Variants in RBFOX1 observed in about 807,000 individuals in gnomAD.
The protein encoded by RBFOX1 is RNA binding protein fox-1 homolog 1.
RBFOX1 carries 8 observed loss-of-function variants against 57.7 expected under a neutral mutation model. The ratio of observed to expected loss-of-function variants is 0.14; its 90% CI spans 0.08 to 0.25. The LOEUF (loss-of-function observed/expected upper bound fraction) is 0.25, where lower values mean the gene tolerates loss of function less well. Ranked by LOEUF, RBFOX1 falls within the 10% of genes least tolerant of loss-of-function variation. RBFOX1 has a pLI of 1.00. For synonymous variants in RBFOX1, 326 were observed against 222.4 expected, an observed-to-expected ratio of 1.47 and a Z score of -4.15; for missense variants, 611 against 548.5, an observed-to-expected ratio of 1.11 and a Z score of -1.14.
chr16:6,159,337 A>T (rs1000158874), intron 1 of RBFOX1, among the ~76,000 whole-genome samples: 4 of 152,120 alleles, frequency 2.6e-5, no homozygotes, highest in African/African-American at 7.2e-5. Context: ...TCGGCCTCCC[A>T]AAGTGCTGGG....
intron 2 of RBFOX1, among the ~76,000 whole-genome samples, chr16:6,651,599 C>T (rs550354348): frequency 6.6e-6 from 1 of 152,284 alleles, no homozygotes; most frequent in South Asian, 2.1e-4. Flanking sequence ...CACTTGTGCA[C>T]TGTTAGTGGG....
chr16:6,286,169 G>A (rs2076888708), intron 1 of RBFOX1, among the ~76,000 whole-genome samples: 1 of 152,108 alleles, frequency 6.6e-6, no homozygotes. Flanking sequence ...CTCAGTGGGA[G>A]AGCTCGACTG....
chr16:7,524,860 C>T (rs562990136), intron 5 of RBFOX1, among the ~76,000 whole-genome samples: 2 of 152,322 alleles, frequency 1.3e-5, no homozygotes, highest in African/African-American at 4.8e-5. Flanking sequence ...GATGGAATCA[C>T]TAAGGTATAG....
intron 4 of RBFOX1, among the ~76,000 whole-genome samples, chr16:7,280,973 C>G (rs1464962188): frequency 2.7e-5 from 3 of 111,722 alleles, no homozygotes; most frequent in Non-Finnish European, 5.3e-5. Context: ...CCCTCCCTCC[C>G]TCCCTCCCTC....
At chr16:6,220,239 A>G (rs996256468) in intron 1 of RBFOX1, among the ~76,000 whole-genome samples, 5 of 151,822 alleles carry the variant, frequency 3.3e-5, no homozygotes, top group Admixed American at 6.6e-5. Context: ...TTTATCGTCT[A>G]TTTCTCCATA....
intron 2 of RBFOX1, among the ~76,000 whole-genome samples, chr16:6,577,976 G>A (rs1322739535): frequency 6.6e-6 from 1 of 152,230 alleles, no homozygotes; most frequent in South Asian, 2.1e-4. Flanking sequence ...TACCCAGTTA[G>A]GAAAGCACAG....
chr16:6,392,067 T>G (rs1004055007), intron 2 of RBFOX1, among the ~76,000 whole-genome samples: 5 of 152,202 alleles, frequency 3.3e-5, no homozygotes, highest in African/African-American at 1.2e-4. Flanking sequence ...AGATAATCCC[T>G]CTTCAATAAT....
chr16:6,773,440 T>TG (rs560611896), intron 3 of RBFOX1, among the ~76,000 whole-genome samples: 1 of 130,808 alleles, frequency 7.6e-6, no homozygotes, highest in Admixed American at 7.8e-5. Context: ...GCATTTGTCT[T>TG]GGGGGGCATA....
chr16:5,570,531 C>T (rs572191438), intron 2 of RBFOX1, among the ~76,000 whole-genome samples: 20 of 152,112 alleles, frequency 1.3e-4, no homozygotes, highest in Non-Finnish European at 1.9e-4. Context: ...GATGCACAAA[C>T]GAATCTTGGG....
intron 3 of RBFOX1, among the ~76,000 whole-genome samples, chr16:7,017,167 C>T (rs1013203282): frequency 8.5e-5 from 13 of 152,108 alleles, no homozygotes; most frequent in Admixed American, 2.0e-4. Context: ...AACAGAGTCG[C>T]GGCCAGCAAA....
At chr16:7,095,985 C>A (rs1339708608) in intron 4 of RBFOX1, among the ~76,000 whole-genome samples, 1 of 143,568 alleles carries the variant, frequency 7.0e-6, no homozygotes, top group African/African-American at 2.7e-5. Context: ...TGCACTCCAG[C>A]CTGGGCAACA....
At chr16:6,861,592 C>G (rs1008870765) in intron 3 of RBFOX1, among the ~76,000 whole-genome samples, 1 of 149,230 alleles carries the variant, frequency 6.7e-6, no homozygotes, top group Non-Finnish European at 1.5e-5. Flanking sequence ...TATGAAAGTA[C>G]TAAGTTGTTC....
At chr16:6,845,025 G>C (rs979983614) in intron 3 of RBFOX1, among the ~76,000 whole-genome samples, 1 of 152,012 alleles carries the variant, frequency 6.6e-6, no homozygotes, top group East Asian at 1.9e-4. Flanking sequence ...ACTTTTTCAT[G>C]GGGTTATGTT....
chr16:5,799,201 G>C (rs1399086693), intron 3 of RBFOX1, among the ~76,000 whole-genome samples: 2 of 152,030 alleles, frequency 1.3e-5, no homozygotes, highest in Non-Finnish European at 2.9e-5. Context: ...AAAACCATCA[G>C]ATCTCGTGAG....
chr16:5,508,853 C>T lies in RBFOX1; in HGVS notation c.258+41599C>T, dbSNP rs1400801344. ...CTCTGGAATGTGGTGGGACTGTATT[C>T]CTCATGGTCAAGTGGACCCGGAGGC... On this transcript the variant is annotated intron_variant, in intron 2 of 2. Transcript: ENST00000585867. Among the ~76,000 whole-genome samples, 2 of 152,190 alleles carry T rather than the reference C, an allele frequency of 1.3e-5. 1 individual carries two copies. The highest frequency in any genetic ancestry group is 2.9e-5 in the Non-Finnish European group (2 of 68,042).
intron 2 of RBFOX1, among the ~76,000 whole-genome samples, chr16:6,390,643 G>T (rs1410639322): frequency 6.6e-6 from 1 of 152,144 alleles, no homozygotes; most frequent in East Asian, 1.9e-4. Flanking sequence ...TGATGCGACA[G>T]TATATGGCTA....
chr16:6,087,798 G>A (rs547775538), intron 1 of RBFOX1, among the ~76,000 whole-genome samples: 15 of 152,108 alleles, frequency 9.9e-5, no homozygotes, highest in African/African-American at 2.7e-4. Flanking sequence ...GGCTATAGGC[G>A]AGCACCACCA....
chr16:6,114,621 A>G (rs533088614), intron 1 of RBFOX1, among the ~76,000 whole-genome samples: 2 of 152,218 alleles, frequency 1.3e-5, no homozygotes, highest in South Asian at 4.2e-4. Flanking sequence ...AGTCTTTCTG[A>G]TACTGTTTTT....
At chr16:7,388,520 C>G (rs1427505488) in intron 4 of RBFOX1, among the ~76,000 whole-genome samples, 1 of 152,046 alleles carries the variant, frequency 6.6e-6, no homozygotes, top group Admixed American at 6.6e-5. Flanking sequence ...CATCCCCTTC[C>G]CTGAGCTTAA....
Sources: allele counts gnomAD v4.1 joint callset (sites outside exome capture counted in the v4.1 genomes callset), GRCh38; gene constraint gnomAD v4.1.1; transcripts MANE v1.5; gene names NCBI Gene and HGNC (gene_info 2026-07-23, HGNC 2026-07-21).